SIPA1L1: variants seen among roughly 807,000 people sequenced by gnomAD.
SIPA1L1 encodes the protein signal-induced proliferation-associated 1-like protein 1.
A neutral mutation model predicts 162.7 loss-of-function variants in SIPA1L1; 26 were observed. That is an observed-to-expected ratio of 0.16 (90% CI 0.12 to 0.22). SIPA1L1 has a LOEUF of 0.22. SIPA1L1 is among the 10% of genes least tolerant of loss of function. The probability of loss-of-function intolerance (pLI) is 1.00; values close to 1 mark genes in which losing one functional copy is unlikely to be tolerated. For synonymous variants in SIPA1L1, 829 were observed against 837.4 expected (o/e 0.99, Z 0.17); for missense variants, 1,874 against 2,241.0 (o/e 0.84, Z 3.31).
chr14:71,351,242 A>G (rs2036673461), intron 2 of SIPA1L1, among the ~76,000 whole-genome samples: 1 of 152,184 alleles, frequency 6.6e-6, no homozygotes, highest in African/African-American at 2.4e-5. Flanking sequence ...GTGATTAAGA[A>G]AAAATGCCTA....
At chr14:71,498,310 A>AAGGCTGCTTATGTCTCTTTC (rs1210286701) in intron 2 of SIPA1L1, among the ~76,000 whole-genome samples, 2 of 152,202 alleles carry the variant, frequency 1.3e-5, no homozygotes, top group African/African-American at 4.8e-5. Flanking sequence ...TGAGTGGTGT[A>AAGGCTGCTTATGTCTCTTTC]AGGCTGCTTA....
intron 7 of SIPA1L1, among the ~76,000 whole-genome samples, chr14:71,635,172 G>C (rs537327061): frequency 6.6e-6 from 1 of 150,878 alleles, no homozygotes; most frequent in Admixed American, 6.6e-5. Context: ...CCAGGTACTC[G>C]GGAGGCTGAG....
chr14:71,575,729 T>C (rs924249977), intron 4 of SIPA1L1, among the ~76,000 whole-genome samples: 3 of 152,192 alleles, frequency 2.0e-5, no homozygotes, highest in Admixed American at 2.0e-4. Context: ...TGACAGTGTT[T>C]TATCCAGTTC....
At chr14:71,606,432 T>C (rs1217135001) in intron 5 of SIPA1L1, among the ~76,000 whole-genome samples, 1 of 152,106 alleles carries the variant, frequency 6.6e-6, no homozygotes, top group African/African-American at 2.4e-5. Flanking sequence ...GAGATGCAAG[T>C]GCTGTTGATC....
chr14:71,593,354 G>A (rs894068171), intron 5 of SIPA1L1, among the ~76,000 whole-genome samples: 1 of 152,054 alleles, frequency 6.6e-6, no homozygotes, highest in Non-Finnish European at 1.5e-5. Context: ...TGGGATTACA[G>A]GTGTGCAGCA....
chr14:71,547,520 C>T (rs1040641588), intron 4 of SIPA1L1, among the ~76,000 whole-genome samples: 10 of 151,924 alleles, frequency 6.6e-5, no homozygotes, highest in African/African-American at 1.9e-4. Flanking sequence ...TCTCGAACTC[C>T]GTACCTCAGG....
chr14:71,608,752 G>A (rs1386225193), intron 5 of SIPA1L1, among the ~76,000 whole-genome samples: 3 of 152,008 alleles, frequency 2.0e-5, no homozygotes, highest in African/African-American at 7.2e-5. Flanking sequence ...GAGGTAAGCC[G>A]GGCGTGGTGG....
At chr14:71,555,908 G>A (rs2056311823) in intron 4 of SIPA1L1, among the ~76,000 whole-genome samples, 1 of 152,140 alleles carries the variant, frequency 6.6e-6, no homozygotes, top group African/African-American at 2.4e-5. Flanking sequence ...GCAGTTTGTG[G>A]CATTCCCCAA....
intron 3 of SIPA1L1, among the ~76,000 whole-genome samples, chr14:71,514,602 C>A (rs950791318): frequency 1.3e-5 from 2 of 152,144 alleles, no homozygotes; most frequent in Non-Finnish European, 2.9e-5. Context: ...TTGATGGTTG[C>A]CTAACTTTCC....
At chr14:71,681,220 G>A (rs1034600543) in intron 12 of SIPA1L1, among the ~76,000 whole-genome samples, 2 of 152,126 alleles carry the variant, frequency 1.3e-5, no homozygotes, top group African/African-American at 4.8e-5. Flanking sequence ...GGAATTGCCT[G>A]ATTCTCACCC....
intron 2 of SIPA1L1, among the ~76,000 whole-genome samples, chr14:71,510,476 C>T (rs1447589241): frequency 6.6e-6 from 1 of 152,158 alleles, no homozygotes; most frequent in Non-Finnish European, 1.5e-5. Context: ...GTGCGAGCCA[C>T]CACGCCTGGC....
chr14:71,711,043 A>G (rs990873448), intron 17 of SIPA1L1, among the ~76,000 whole-genome samples: 1 of 152,128 alleles, frequency 6.6e-6, no homozygotes, highest in Admixed American at 6.5e-5. Flanking sequence ...CCCTTCATTT[A>G]AAATGTCAGG....
chr14:71,579,794 G>T (rs563152827), intron 4 of SIPA1L1, among the ~76,000 whole-genome samples: 2 of 152,186 alleles, frequency 1.3e-5, no homozygotes, highest in African/African-American at 4.8e-5. Context: ...AAATTTAAAC[G>T]TGTTTTTTCA....
chr14:71,329,975 G>C (rs796870389), intron 2 of SIPA1L1, among the ~76,000 whole-genome samples: 7 of 152,252 alleles, frequency 4.6e-5, no homozygotes, highest in African/African-American at 1.7e-4. Context: ...GGGATGAGAT[G>C]GCCAGGCCAG....
intron 4 of SIPA1L1, among the ~76,000 whole-genome samples, chr14:71,557,490 TTCTC>T (rs2056446622): frequency 6.6e-6 from 1 of 152,222 alleles, no homozygotes; most frequent in Non-Finnish European, 1.5e-5. Context: ...ATTTTTGTAG[TTCTC>T]TGCACAAAGG....
At chr14:71,502,251 AAAAAATATATATATAT>A (rs1176655506) in intron 2 of SIPA1L1, among the ~76,000 whole-genome samples, 2 of 60,960 alleles carry the variant, frequency 3.3e-5, no homozygotes, top group African/African-American at 1.2e-4. Context: ...TGAAAAAAAA[AAAAAATATATATATAT>A]ATATATATAT....
At chr14:71,616,620 G>A (rs902453255) in intron 5 of SIPA1L1, among the ~76,000 whole-genome samples, 1 of 152,158 alleles carries the variant, frequency 6.6e-6, no homozygotes, top group Non-Finnish European at 1.5e-5. Context: ...AGAAAAAGAA[G>A]CTAGAGTGTG....
intron 2 of SIPA1L1, among the ~76,000 whole-genome samples, chr14:71,465,031 G>T (rs903905429): frequency 4.6e-5 from 7 of 152,260 alleles, no homozygotes; most frequent in Admixed American, 2.0e-4. Context: ...TCAGACAAGG[G>T]TGGAAAGGCT....
At chr14:71,387,248 C>CAAAAAAAAAAAAA (rs398025583) in intron 2 of SIPA1L1, among the ~76,000 whole-genome samples, 3 of 53,880 alleles carry the variant, frequency 5.6e-5, no homozygotes, top group Non-Finnish European at 9.0e-5. Context: ...AACTCTGTCT[C>CAAAAAAAAAAAAA]AAAAAAAAAA....
Sources: allele counts gnomAD v4.1 joint callset (sites outside exome capture counted in the v4.1 genomes callset), GRCh38; gene constraint gnomAD v4.1.1; transcripts MANE v1.5; gene names NCBI Gene and HGNC (gene_info 2026-07-23, HGNC 2026-07-21).